ADCY10: variants seen among roughly 807,000 people sequenced by gnomAD.
ADCY10 encodes adenylate cyclase type 10.
Under a neutral mutation model 183.3 loss-of-function variants are expected in ADCY10, and 156 were observed. The ratio of observed to expected loss-of-function variants is 0.85; its 90% CI spans 0.75 to 0.97. The LOEUF is 0.97. Among genes scored for constraint, ADCY10 ranks in the 50% least tolerant of loss-of-function variants. The pLI, the probability that ADCY10 is intolerant of heterozygous loss-of-function variation, is 0.00. For synonymous variants in ADCY10, 645 were observed against 670.0 expected, an observed-to-expected ratio of 0.96 and a Z score of 0.58; for missense variants, 1,745 against 1,934.3, an observed-to-expected ratio of 0.90 and a Z score of 1.84.
At chr1:167,864,319 G>C (rs961856821) in intron 14 of ADCY10, among the ~76,000 whole-genome samples, 1 of 152,176 alleles carries the variant, frequency 6.6e-6, no homozygotes, top group Non-Finnish European at 1.5e-5. Context: ...AAGGATTTAA[G>C]GGAGATTACG....
In ADCY10 at chr1:167,899,541, A is replaced by G; in HGVS notation, c.524T>C (p.Val175Ala). 1 of 1,614,238 alleles carries G rather than the reference A, an allele frequency of 6.2e-7. No homozygotes were observed. Among genetic ancestry groups the G allele is most frequent in the South Asian group, 1.1e-5 (1 of 91,092 alleles). ...FLVIGQAVDD[V>A]RLAQNMAQMN... The stretch of plus-strand genomic sequence containing the variant: ...CTGAGCCATGTTCTGGGCAAGGCGC[A>G]CATCGTCCACTGCCTGACCAATCAC... The change falls in exon 6 of 33, where the codon GTG (valine) becomes GCG (alanine). Residue 175 changes from valine to alanine, a missense_variant. Val to Ala is a moderately conservative substitution (Grantham distance 64). Coordinates refer to ENST00000367851, the MANE Select transcript of ADCY10 (RefSeq NM_018417.6).
intron 26 of ADCY10, among the ~76,000 whole-genome samples, chr1:167,827,011 G>A (rs971492608): frequency 5.8e-4 from 88 of 152,274 alleles, no homozygotes; most frequent in African/African-American, 2.1e-3. Flanking sequence ...TATTCTAGGA[G>A]AGCCAGCCTA....
At chr1:167,839,555 C>T (rs1664464014) in intron 21 of ADCY10, among the ~76,000 whole-genome samples, 1 of 152,162 alleles carries the variant, frequency 6.6e-6, no homozygotes, top group Non-Finnish European at 1.5e-5. Context: ...TTATTATATG[C>T]AGCCAATACT....
At chr1:167,819,583 C>T (rs1185921184) in intron 30 of ADCY10, among the ~76,000 whole-genome samples, 2 of 149,938 alleles carry the variant, frequency 1.3e-5, no homozygotes, top group African/African-American at 2.4e-5. Context: ...TTTTTTGAGA[C>T]CCAAGTTTTG....
chr1:167,873,150 G>A (rs1451556160), intron 13 of ADCY10, among the ~76,000 whole-genome samples: 3 of 152,140 alleles, frequency 2.0e-5, no homozygotes, highest in Non-Finnish European at 4.4e-5. Context: ...TAGAAAGAAG[G>A]TTAGGATTCT....
intron 1 of ADCY10, among the ~76,000 whole-genome samples, chr1:167,910,022 G>A (rs556890041): frequency 9.9e-5 from 15 of 152,078 alleles, no homozygotes; most frequent in Admixed American, 3.3e-4. Context: ...ACCCTTTCAC[G>A]TGGAACCCCT....
At chr1:167,832,921 G>A in intron 25 of ADCY10, 66 bp downstream of exon 25, 1 of 1,555,708 alleles carries the variant, frequency 6.4e-7, no homozygotes, top group Non-Finnish European at 8.8e-7. Context: ...GGCTGACTTG[G>A]ATTATGTGTA....
At position 167,836,374 on chromosome 1, in the gene ADCY10, C is replaced by A. The variant is rs778523169; in HGVS notation, c.3244G>T (p.Asp1082Tyr). The change falls in exon 23 of 33, where the codon GAC becomes TAC. Residue 1082 changes from aspartate (D) to tyrosine (Y), a missense_variant. By Grantham distance (160) the Asp-to-Tyr change is radical (BLOSUM62 -3). Transcript: ENST00000367851. ...AHHFLALGEN[D>Y]KALYYFLEIA... is the part of the protein sequence containing the mutation. ...TCTAAGAAGTAATATAAGGCTTTGT[C>A]ATTTTCTCCCAAAGCCAGAAAATGG... 3.3e-5 allele frequency: 54 copies of A among 1,613,990 alleles called. No individual in the cohort carries two copies. Among genetic ancestry groups the A allele is most frequent in the Non-Finnish European group, 4.4e-5 (52 of 1,180,000 alleles).
chr1:167,903,727 TTATAC>T (rs1669603898), intron 3 of ADCY10, among the ~76,000 whole-genome samples, 155 bp downstream of exon 3: 3 of 152,346 alleles, frequency 2.0e-5, no homozygotes, highest in African/African-American at 7.2e-5. Flanking sequence ...ATTTCTTCAG[TTATAC>T]TATATCATAT....
intron 8 of ADCY10, among the ~76,000 whole-genome samples, chr1:167,889,337 G>C (rs1668449658): frequency 6.6e-6 from 1 of 152,086 alleles, no homozygotes; most frequent in Admixed American, 6.5e-5. Flanking sequence ...ATGATAATAT[G>C]GTTTTTGTCC....
intron 31 of ADCY10, among the ~76,000 whole-genome samples, chr1:167,816,822 A>G (rs1662559399): frequency 1.0e-5 from 1 of 98,782 alleles, no homozygotes; most frequent in Non-Finnish European, 2.7e-5. Context: ...AATTCTTTAG[A>G]GAGAAGGAAA....
intron 13 of ADCY10, among the ~76,000 whole-genome samples, chr1:167,871,137 G>T (rs917823111): frequency 2.6e-5 from 4 of 151,786 alleles, no homozygotes; most frequent in Non-Finnish European, 1.5e-5. Context: ...ATTACATTAG[G>T]AAATAAATTT....
rs1001152065 is a variant in ADCY10 at position 167,907,091 on chromosome 1, A to G, written c.-58-1893T>C. Among the ~76,000 whole-genome samples, 9 of 152,348 alleles carry G rather than the reference A, an allele frequency of 5.9e-5. No individual in the cohort carries two copies. The Middle Eastern group carries it at 0.01, about 173-fold the overall frequency. ...CACACAGTCATTTTAAATAAATTCT[A>G]GCTAGTCCCAGACAACATATATCTA... On this transcript the variant is annotated intron_variant, in intron 1 of 32. Coordinates refer to ENST00000367851, the MANE Select transcript of ADCY10 (RefSeq NM_018417.6).
chr1:167,905,272 G>T, intron 1 of ADCY10, 74 bp from the exon 2 acceptor site: 1 of 1,179,600 alleles, frequency 8.5e-7, no homozygotes. Context: ...TTCTCCATTT[G>T]TTTTGTTCTA....
chr1:167,855,829 C>T (rs1558192005), intron 17 of ADCY10, among the ~76,000 whole-genome samples: 1 of 151,822 alleles, frequency 6.6e-6, no homozygotes, highest in Non-Finnish European at 1.5e-5. Context: ...CTGGGCAACA[C>T]TGTGAGACCC....
In ADCY10 at chr1:167,809,578, A is replaced by G; in HGVS notation, c.*100T>C. 2 of 1,269,418 alleles carry G rather than the reference A, an allele frequency of 1.6e-6. No individual in the cohort carries two copies. The highest frequency in any genetic ancestry group is 2.4e-5 in the South Asian group (2 of 82,754). 78.6% of individuals were successfully genotyped at this position (1,269,418 alleles called of 1,614,324 possible). On this transcript the variant is annotated 3_prime_UTR_variant, in exon 33 of 33. Coordinates refer to ENST00000367851, the MANE Select transcript of ADCY10 (RefSeq NM_018417.6). Reference sequence around the variant, plus strand: ...TCTGTTTCTGTGTCTGGAACAGAAGAGATTATGTAGGAACCTGGAGTGGGC... The same window carrying G: ...TCTGTTTCTGTGTCTGGAACAGAAGGGATTATGTAGGAACCTGGAGTGGGC...
chr1:167,815,151 CA>C (rs1289510880), intron 31 of ADCY10, among the ~76,000 whole-genome samples: 1 of 151,176 alleles, frequency 6.6e-6, no homozygotes, highest in Admixed American at 6.6e-5. Flanking sequence ...AAAAATTAGA[CA>C]AAAAAAAACC....
At chr1:167,846,351 C>T (rs1278362101) in intron 19 of ADCY10, 88 bp from the exon 20 acceptor site, 2 of 1,503,134 alleles carry the variant, frequency 1.3e-6, no homozygotes, top group Non-Finnish European at 1.8e-6. Context: ...GGACAACCAT[C>T]CTGCTCTACA....
intron 23 of ADCY10, among the ~76,000 whole-genome samples, 192 bp from the exon 24 acceptor site, chr1:167,834,269 CACCTTCATGCTT>C (rs1160524686): frequency 6.6e-6 from 1 of 152,196 alleles, no homozygotes; most frequent in East Asian, 1.9e-4. Flanking sequence ...GTAAAGATCT[CACCTTCATGCTT>C]ACCTTTGTCT....
Sources: gnomAD v4.1 joint callset for allele counts (sites outside exome capture counted in the v4.1 genomes callset) on GRCh38, gnomAD v4.1.1 for gene constraint, MANE v1.5 for transcripts, NCBI Gene and HGNC (gene_info 2026-07-23, HGNC 2026-07-21) for gene names.